The following TMEM132E variants were observed in gnomAD, a reference collection of about 807,000 sequenced individuals.
The protein encoded by TMEM132E is transmembrane protein 132E.
A neutral mutation model predicts 78.5 loss-of-function variants in TMEM132E; 49 were observed. The observed-to-expected ratio is 0.62, with a 90% CI of 0.50 to 0.79. The LOEUF (loss-of-function observed/expected upper bound fraction) is 0.79. Among genes scored for constraint, TMEM132E ranks in the 30% least tolerant of loss-of-function variants. The pLI is 0.00. For missense variants in TMEM132E, 1,403 were observed against 1,470.9 expected, an observed-to-expected ratio of 0.95 and a Z score of 0.75; for synonymous variants, 715 against 670.6, an observed-to-expected ratio of 1.07 and a Z score of -1.02.
Position 34,632,875 on chromosome 17 carries a change from A to G in TMEM132E, c.1654A>G (p.Lys552Glu), listed in dbSNP as rs1256491748. The G allele has an allele frequency of 6.2e-7, 1 of 1,613,994 alleles. No individual in the cohort carries two copies. Among genetic ancestry groups the G allele is most frequent in the Non-Finnish European group, 8.5e-7 (1 of 1,180,030 alleles). Residue 552 changes from lysine to glutamate, a missense_variant, in exon 6 of 9, where the codon AAG becomes GAG. Physicochemically the swap from Lys to Glu is moderately conservative, Grantham distance 56 (BLOSUM62 1). Around this residue, in one of 3 missense-constraint regions of TMEM132E, gnomAD observed 888 missense variants for 952.8 expected, o/e 0.93. Coordinates refer to ENST00000631683, the MANE Select transcript of TMEM132E (RefSeq NM_001304438.2). ...ELSDARLSQV[K>E]GWRVPILPDR... The stretch of plus-strand genomic sequence containing the variant: ...CTCAGATGCCCGCCTCAGCCAAGTG[A>G]AGGGCTGGAGGGTACCTATCCTCCC...
chr17:34,623,924 C>T (rs1178752079), intron 1 of TMEM132E, among the ~76,000 whole-genome samples: 1 of 152,204 alleles, frequency 6.6e-6, no homozygotes, highest in Non-Finnish European at 1.5e-5. Flanking sequence ...CCTGTCCTCA[C>T]TTGGACTCTG....
At chr17:34,607,736 A>G (rs1180840987) in intron 1 of TMEM132E, among the ~76,000 whole-genome samples, 1 of 151,940 alleles carries the variant, frequency 6.6e-6, no homozygotes, top group East Asian at 1.9e-4. Context: ...GCTATGGCTC[A>G]AAGAACTCAG....
chr17:34,581,742 C>G (rs1436109427), intron 1 of TMEM132E, among the ~76,000 whole-genome samples: 1 of 151,968 alleles, frequency 6.6e-6, no homozygotes, highest in Non-Finnish European at 1.5e-5. Context: ...TCTGGGCACC[C>G]GCACAGGCCG....
chr17:34,622,177 T>C (rs1906983086), intron 1 of TMEM132E, among the ~76,000 whole-genome samples: 1 of 152,188 alleles, frequency 6.6e-6, no homozygotes, highest in South Asian at 2.1e-4. Context: ...ACTGATCTGC[T>C]CATTCCACCA....
chr17:34,585,517 A>G (rs1477869764), intron 1 of TMEM132E, among the ~76,000 whole-genome samples: 1 of 152,184 alleles, frequency 6.6e-6, no homozygotes, highest in Non-Finnish European at 1.5e-5. Flanking sequence ...GGAACCACCA[A>G]ATCCAACCTC....
intron 1 of TMEM132E, among the ~76,000 whole-genome samples, chr17:34,611,368 G>A (rs181102453): frequency 6.6e-6 from 1 of 152,310 alleles, no homozygotes; most frequent in Non-Finnish European, 1.5e-5. Flanking sequence ...AATGGCAGAT[G>A]GGAGAGGAGG....
intron 1 of TMEM132E, among the ~76,000 whole-genome samples, chr17:34,581,913 C>A (rs979354292): frequency 2.6e-5 from 4 of 151,834 alleles, no homozygotes; most frequent in African/African-American, 9.7e-5. Context: ...GGACAGCGGG[C>A]ATACGGGTGG....
chr17:34,609,254 G>A (rs540085968), intron 1 of TMEM132E, among the ~76,000 whole-genome samples: 10 of 152,268 alleles, frequency 6.6e-5, no homozygotes, highest in Admixed American at 2.6e-4. Context: ...AACCTTCCTC[G>A]CAGAGCTTGG....
chr17:34,604,922 T>C (rs1240203531), intron 1 of TMEM132E, among the ~76,000 whole-genome samples: 1 of 152,156 alleles, frequency 6.6e-6, no homozygotes, highest in Non-Finnish European at 1.5e-5. Flanking sequence ...CTCAGCAAGG[T>C]TAAACAACTT....
intron 1 of TMEM132E, among the ~76,000 whole-genome samples, chr17:34,605,086 C>T (rs1276936822): frequency 2.6e-5 from 4 of 152,178 alleles, no homozygotes; most frequent in Admixed American, 6.5e-5. Flanking sequence ...CCTGTGATTT[C>T]GTAGGCTGCA....
rs751676175 is a variant in TMEM132E, at chr17:34,637,749, G to C, written c.2742G>C (p.Leu914=). 1.9e-6 allele frequency: 3 copies of C among 1,613,620 alleles called. No homozygotes were observed. Among genetic ancestry groups the C allele is most frequent in the Middle Eastern group, 1.6e-4 (1 of 6,062 alleles). Residue 914 remains leucine (L), a synonymous_variant, in exon 9 of 9, where the codon CTG becomes CTC. Coordinates refer to ENST00000631683, the MANE Select transcript of TMEM132E (RefSeq NM_001304438.2). ...VFLINCIVFV[L]RYRHKRIPPE... is the part of the protein sequence containing the mutation. ...TCATCAACTGCATCGTTTTTGTGCTGCGCTACCGGCACAAGCGCATCCCGC... is the reference window on the plus strand; with the variant it reads ...TCATCAACTGCATCGTTTTTGTGCTCCGCTACCGGCACAAGCGCATCCCGC...
At chr17:34,636,283 G>A (rs1907520926) in intron 8 of TMEM132E, 85 bp downstream of exon 8, 5 of 1,275,982 alleles carry the variant, frequency 3.9e-6, no homozygotes, top group African/African-American at 1.6e-5. Flanking sequence ...AGCACCAAGA[G>A]TCCCCATATT....
chr17:34,628,644 T>C lies in TMEM132E; in HGVS notation c.1080T>C (p.Thr360=). ...GGCATGTGACCTCGGAGCTGCTGAC[T>C]GGGGCAAAGCACTCAACAGCCACCG... The part of the protein sequence containing the change: ...GQWHVTSELL[T]GAKHSTATVD... The change falls in exon 3 of 9, where the codon ACT becomes ACC. Residue 360 remains threonine, a synonymous_variant. Coordinates refer to ENST00000631683, the MANE Select transcript of TMEM132E (RefSeq NM_001304438.2). 1 of 1,613,716 alleles carries C rather than the reference T, an allele frequency of 6.2e-7. No individual in the cohort carries two copies. Among genetic ancestry groups the C allele is most frequent in the Non-Finnish European group, 8.5e-7 (1 of 1,179,826 alleles).
rs777613913 is a variant in TMEM132E at position 34,581,094 on chromosome 17, G to C, written c.18G>C (p.Ser6=). ...CCTCGGCCATGGCCCCGGGGATGTC[G>C]GGCCGCGGCGGCGCCGCCCTGCTCT... MAPGM[S]GRGGAALLCL... is the part of the protein sequence containing the mutation. The change falls in exon 1 of 9, where the codon TCG becomes TCC. Residue 6 remains serine, a synonymous_variant. Transcript: ENST00000631683. 1.4e-5 allele frequency: 21 copies of C among 1,547,706 alleles called. No individual in the cohort carries two copies. Among genetic ancestry groups the C allele is most frequent in the African/African-American group, 1.1e-4 (8 of 71,590 alleles).
chr17:34,610,220 C>T (rs930941328), intron 1 of TMEM132E, among the ~76,000 whole-genome samples: 4 of 152,178 alleles, frequency 2.6e-5, no homozygotes, highest in African/African-American at 9.7e-5. Context: ...CCCTGTTAGC[C>T]GGCAAATTCC....
chr17:34,588,495 C>T (rs1456180200), intron 1 of TMEM132E, among the ~76,000 whole-genome samples: 1 of 152,206 alleles, frequency 6.6e-6, no homozygotes, highest in East Asian at 1.9e-4. Flanking sequence ...TACAGGCACA[C>T]AGAGACGTTG....
intron 4 of TMEM132E, among the ~76,000 whole-genome samples, 165 bp from the exon 5 acceptor site, chr17:34,629,843 C>T (rs137984379): frequency 2.0e-5 from 3 of 152,180 alleles, no homozygotes; most frequent in African/African-American, 7.2e-5. Context: ...CAAGGAGTGC[C>T]AGGAGGGGTG....
At chr17:34,613,985 G>A (rs892063047) in intron 1 of TMEM132E, among the ~76,000 whole-genome samples, 2 of 152,152 alleles carry the variant, frequency 1.3e-5, no homozygotes, top group Non-Finnish European at 2.9e-5. Context: ...CTTCCCACAA[G>A]CACACCAGTG....
Position 34,585,153 on chromosome 17 carries a change from G to GT in TMEM132E, c.67+4013dup, listed in dbSNP as rs555700546. On this transcript the variant is annotated intron_variant, in intron 1 of 8. Coordinates refer to ENST00000631683, the MANE Select transcript of TMEM132E (RefSeq NM_001304438.2). ...GTATTCACAACATAGCCTTGTTAAT[G>GT]TTTAAGACCAGTAGGTGGGGATGTG... Among the ~76,000 whole-genome samples the GT allele has an allele frequency of 1.5e-3, 230 of 152,344 alleles. 5 individuals are homozygous for GT. In the East Asian group the frequency reaches 0.027, roughly 18 times the overall value.
Sources: allele counts gnomAD v4.1 joint callset (sites outside exome capture counted in the v4.1 genomes callset), GRCh38; gene constraint gnomAD v4.1.1; regional missense constraint gnomAD v4.1.1; transcripts MANE v1.5; gene names NCBI Gene and HGNC (gene_info 2026-07-23, HGNC 2026-07-21).